The following GALNTL5 variants were observed in gnomAD, a reference collection of about 807,000 sequenced individuals.
GALNTL5 encodes inactive polypeptide N-acetylgalactosaminyltransferase-like protein 5.
A neutral mutation model predicts 51.0 loss-of-function variants in GALNTL5; 44 were observed. The ratio of observed to expected loss-of-function variants is 0.86; its 90% CI spans 0.68 to 1.11. The LOEUF is 1.11. GALNTL5 is among the 50% of genes least tolerant of loss of function. The probability of loss-of-function intolerance (pLI) is 0.00; values close to 1 mark genes in which losing one functional copy is unlikely to be tolerated. For missense variants in GALNTL5, 528 were observed against 531.8 expected (o/e 0.99, Z 0.07); for synonymous variants, 192 against 182.8 (o/e 1.05, Z -0.41).
At chr7:151,988,649 A>G (rs1006621413) in intron 5 of GALNTL5, among the ~76,000 whole-genome samples, 1 of 152,050 alleles carries the variant, frequency 6.6e-6, no homozygotes, top group Non-Finnish European at 1.5e-5. Flanking sequence ...GTTTTTATGC[A>G]TTTATAGATA....
intron 1 of GALNTL5, chr7:151,960,693 C>T (rs905546823): frequency 1.3e-5 from 2 of 152,268 alleles, no homozygotes; most frequent in Admixed American, 1.3e-4. Context: ...CACCCATTGA[C>T]CAGTCTTTGA....
chr7:152,000,573 C>T (rs1372046195), intron 5 of GALNTL5, among the ~76,000 whole-genome samples: 2 of 152,196 alleles, frequency 1.3e-5, no homozygotes, highest in South Asian at 4.1e-4. Context: ...CACCACCTCC[C>T]CAACACTTGC....
chr7:152,010,216 G>T (rs976809462), intron 7 of GALNTL5, among the ~76,000 whole-genome samples: 1 of 151,858 alleles, frequency 6.6e-6, no homozygotes, highest in Non-Finnish European at 1.5e-5. Flanking sequence ...AGGTTCAAGC[G>T]ATTCCCCTGC....
chr7:151,986,222 A>C (rs571110972), intron 4 of GALNTL5, among the ~76,000 whole-genome samples: 5 of 152,236 alleles, frequency 3.3e-5, no homozygotes, highest in Non-Finnish European at 7.3e-5. Context: ...CTACTGAAAA[A>C]TTAGAAGCAC....
Position 151,967,547 on chromosome 7 carries a change from A to G in GALNTL5, c.247+54A>G, listed in dbSNP as rs2081075449. 60 of 1,497,510 alleles carry G rather than the reference A, an allele frequency of 4.0e-5. No individual in the cohort carries two copies. In the South Asian group the frequency reaches 5.5e-4, roughly 14 times the overall value. 92.8% of individuals were successfully genotyped at this position (1,497,510 alleles called of 1,614,324 possible). A position where few individuals can be genotyped will look rare whatever the true frequency, so the allele number is the denominator to read the frequency against. On this transcript the variant is annotated intron_variant, in intron 2 of 8. Coordinates refer to ENST00000392800, the MANE Select transcript of GALNTL5 (RefSeq NM_145292.4). ...CATTTGAAGGGGAAAATGTACAACA[A>G]TATTTAATATTTGGAAGAGTACGAG... is the stretch of plus-strand genomic sequence containing the variant.
intron 1 of GALNTL5, among the ~76,000 whole-genome samples, chr7:151,960,950 A>G (rs2151935963): frequency 6.6e-6 from 1 of 152,328 alleles, no homozygotes; most frequent in South Asian, 2.1e-4. Flanking sequence ...CTGGATACCA[A>G]GTTCTGTCAA....
rs972449321 is a variant in GALNTL5, at chr7:152,013,897, T to C, written c.1027-747T>C. On this transcript the variant is annotated intron_variant, in intron 7 of 8. Transcript: ENST00000392800. ...TGCCAAATTTTCAATGGTTATATTT[T>C]ACTTTTGTGTAGTAAAATTAATAGC... Among the ~76,000 whole-genome samples the C allele has an allele frequency of 4.6e-5, 7 of 152,262 alleles. No individual in the cohort carries two copies. The South Asian group carries it at 8.3e-4, about 18-fold the overall frequency.
intron 1 of GALNTL5, among the ~76,000 whole-genome samples, chr7:151,962,157 C>A (rs1325468107): frequency 6.6e-6 from 1 of 151,930 alleles, no homozygotes; most frequent in Non-Finnish European, 1.5e-5. Context: ...CGCATGCCAC[C>A]ACACACAGCT....
At chr7:152,000,432 G>A (rs748370736) in intron 5 of GALNTL5, among the ~76,000 whole-genome samples, 24 of 152,176 alleles carry the variant, frequency 1.6e-4, no homozygotes, top group Non-Finnish European at 2.4e-4. Context: ...AGTTGCTATT[G>A]CCAGCCACAC....
chr7:151,983,186 G>T (rs200637744), intron 4 of GALNTL5, 34 bp downstream of exon 4: 2 of 1,125,064 alleles, frequency 1.8e-6, no homozygotes. Context: ...CATCTACTTT[G>T]TTGTTGTTGT....
intron 4 of GALNTL5, among the ~76,000 whole-genome samples, chr7:151,983,448 A>G (rs149387322): frequency 0.012 from 1,872 of 152,154 alleles, 48 homozygotes; most frequent in African/African-American, 0.041. Flanking sequence ...AAAGTGCTGG[A>G]ATTACAGGTG....
At chr7:151,958,363 G>T (rs1018848313) in intron 1 of GALNTL5, among the ~76,000 whole-genome samples, 15 of 152,202 alleles carry the variant, frequency 9.9e-5, no homozygotes. Flanking sequence ...GGATGAGGGG[G>T]AACATGGTGG....
chr7:151,998,367 A>G (rs945339023), intron 5 of GALNTL5, among the ~76,000 whole-genome samples: 3 of 152,208 alleles, frequency 2.0e-5, no homozygotes, highest in African/African-American at 7.2e-5. Flanking sequence ...AAAATGTAAA[A>G]TTGCTGCAAA....
At chr7:151,963,151 C>G (rs1296295899) in intron 1 of GALNTL5, among the ~76,000 whole-genome samples, 4 of 152,186 alleles carry the variant, frequency 2.6e-5, no homozygotes, top group Non-Finnish European at 5.9e-5. Context: ...TTTTGACACT[C>G]TTTCTAGTCT....
At chr7:152,009,194 T>A (rs1049781864) in intron 7 of GALNTL5, among the ~76,000 whole-genome samples, 6 of 152,014 alleles carry the variant, frequency 3.9e-5, no homozygotes, top group Non-Finnish European at 5.9e-5. Flanking sequence ...AGTAACCTTG[T>A]CTTTCCTGAG....
Position 152,002,829 on chromosome 7 carries a change from C to T in GALNTL5, c.774C>T (p.Val258=). The T allele has an allele frequency of 6.2e-7, 1 of 1,614,130 alleles. No homozygotes were observed. The highest frequency in any genetic ancestry group is 1.1e-5 in the South Asian group (1 of 91,084). Residue 258 remains valine (V), a synonymous_variant, in exon 6 of 9, where the codon GTC becomes GTT. Transcript: ENST00000392800. ...TGGTGGTGTGCCCCCTGATAGATGT[C>T]ATTGATGATAGAACTCTGGAGTATA... is the stretch of plus-strand genomic sequence containing the variant. ...PKMVVCPLID[V]IDDRTLEYKP...
Position 152,019,899 on chromosome 7 carries a change from CG to C in GALNTL5, c.*99del. 4.9e-6 allele frequency: 5 copies of C among 1,013,586 alleles called. No homozygotes were observed. In the South Asian group the frequency reaches 7.5e-5, roughly 15 times the overall value. The allele number at this position is 1,013,586 out of a possible 1,614,324, so 62.8% of individuals were successfully genotyped here. ...GTAAGTTTGGAACATCGTGGAATTA[CG>C]TGAAATGCAATTAAAAAAATATGAC... On this transcript the variant is annotated 3_prime_UTR_variant, in exon 9 of 9. Transcript: ENST00000392800.
At chr7:152,012,119 C>T (rs1386436210) in intron 7 of GALNTL5, among the ~76,000 whole-genome samples, 1 of 152,140 alleles carries the variant, frequency 6.6e-6, no homozygotes, top group East Asian at 1.9e-4. Flanking sequence ...AACCACACAG[C>T]ACATTTATAC....
chr7:151,958,315 T>G (rs1048677808), intron 1 of GALNTL5, among the ~76,000 whole-genome samples: 2 of 152,160 alleles, frequency 1.3e-5, no homozygotes, highest in Non-Finnish European at 2.9e-5. Flanking sequence ...CTGGTCTGAG[T>G]GTGCCACAAC....
Sources: gnomAD v4.1 joint callset for allele counts (sites outside exome capture counted in the v4.1 genomes callset) on GRCh38, gnomAD v4.1.1 for gene constraint, MANE v1.5 for transcripts, NCBI Gene and HGNC (gene_info 2026-07-23, HGNC 2026-07-21) for gene names.